PRKCA: variants seen among roughly 807,000 people sequenced by gnomAD.
The protein encoded by PRKCA is protein kinase C alpha.
In PRKCA, 27 loss-of-function variants were observed where a neutral mutation model predicts 87.0. The observed-to-expected ratio is 0.31, with a 90% CI of 0.23 to 0.43. PRKCA has a LOEUF of 0.43. Ranked by LOEUF, PRKCA falls within the 20% of genes least tolerant of loss-of-function variation. The pLI, the probability that PRKCA is intolerant of heterozygous loss-of-function variation, is 1.00. For missense variants in PRKCA, 518 were observed against 852.3 expected (o/e 0.61, Z 4.88); for synonymous variants, 329 against 311.1 (o/e 1.06, Z -0.61).
At chr17:66,605,954 A>G (rs967117463) in intron 3 of PRKCA, among the ~76,000 whole-genome samples, 3 of 152,208 alleles carry the variant, frequency 2.0e-5, no homozygotes, top group Admixed American at 2.0e-4. Context: ...ATTGAGGAGG[A>G]ACTGCTAATG....
chr17:66,424,207 G>T (rs7502206), intron 2 of PRKCA, among the ~76,000 whole-genome samples: 129,024 of 152,090 alleles, frequency 0.85, 55,492 homozygotes, highest in South Asian at 0.96. Flanking sequence ...TGGATATTAC[G>T]CATGATGATG....
intron 10 of PRKCA, among the ~76,000 whole-genome samples, chr17:66,735,927 T>C (rs1159693068): frequency 1.3e-5 from 2 of 148,398 alleles, no homozygotes; most frequent in African/African-American, 4.9e-5. Context: ...TTTCTTTTTT[T>C]TTTTTTTTTT....
chr17:66,396,098 G>T (rs182066702), intron 2 of PRKCA, among the ~76,000 whole-genome samples: 34 of 151,034 alleles, frequency 2.3e-4, no homozygotes, highest in African/African-American at 7.8e-4. Context: ...TAAGTTTAAA[G>T]CTAAGGATAT....
intron 3 of PRKCA, among the ~76,000 whole-genome samples, chr17:66,558,350 G>A (rs942852226): frequency 5.3e-5 from 8 of 152,206 alleles, no homozygotes; most frequent in African/African-American, 1.9e-4. Flanking sequence ...TGCTATGTAG[G>A]CGAAAAACAA....
chr17:66,596,009 G>C (rs1230929654), intron 3 of PRKCA, among the ~76,000 whole-genome samples: 1 of 152,190 alleles, frequency 6.6e-6, no homozygotes, highest in Non-Finnish European at 1.5e-5. Flanking sequence ...CATCCTGTAG[G>C]GATGGGTGGT....
At chr17:66,347,941 CTTTTT>C (rs57292153) in intron 2 of PRKCA, among the ~76,000 whole-genome samples, 1,196 of 56,496 alleles carry the variant, frequency 0.021, 61 homozygotes, top group African/African-American at 0.06. Flanking sequence ...AATTCTGAAC[CTTTTT>C]TTTTTTTTTT....
chr17:66,350,053 G>A (rs1907645585), intron 2 of PRKCA, among the ~76,000 whole-genome samples: 1 of 152,128 alleles, frequency 6.6e-6, no homozygotes, highest in Admixed American at 6.5e-5. Flanking sequence ...AAAAGATATT[G>A]TAACTAAAGC....
chr17:66,549,812 T>C (rs567039209), intron 3 of PRKCA, among the ~76,000 whole-genome samples: 1 of 152,312 alleles, frequency 6.6e-6, no homozygotes, highest in South Asian at 2.1e-4. Flanking sequence ...TTTGCCCCTT[T>C]TTAGTGGTCA....
chr17:66,698,875 G>A (rs1483807762), intron 8 of PRKCA, among the ~76,000 whole-genome samples: 2 of 151,556 alleles, frequency 1.3e-5, no homozygotes, highest in Non-Finnish European at 2.9e-5. Flanking sequence ...CAGTACTCGG[G>A]AGGCTGAGGC....
At position 66,803,858 on chromosome 17, in the gene PRKCA, G is replaced by A. The variant is rs766255229; in HGVS notation, c.1855-15G>A. ...TGTTGACTGACCTTTCCTTCTTTTT[G>A]TCTTTTCTCCACAGTGTGGCAAAGG... On this transcript the variant is annotated splice_polypyrimidine_tract_variant and intron_variant, in intron 16 of 16. Transcript: ENST00000413366. This position sits in a 1 kb window ranked among gnomAD's most constrained non-coding sequence, Gnocchi z 4.4. 10 of 1,610,310 alleles carry A rather than the reference G, an allele frequency of 6.2e-6. No individual in the cohort carries two copies. The highest frequency in any genetic ancestry group is 8.5e-6 in the Non-Finnish European group (10 of 1,177,722).
intron 2 of PRKCA, among the ~76,000 whole-genome samples, chr17:66,451,591 G>A (rs1914325684): frequency 6.6e-6 from 1 of 152,080 alleles, no homozygotes; most frequent in Admixed American, 6.5e-5. Context: ...GGGTTGACCG[G>A]GTATTTTGGA....
At chr17:66,389,072 A>G (rs1910219712) in intron 2 of PRKCA, among the ~76,000 whole-genome samples, 1 of 152,200 alleles carries the variant, frequency 6.6e-6, no homozygotes, top group African/African-American at 2.4e-5. Context: ...AAGAAACAGC[A>G]TCATGTATAT....
At chr17:66,401,730 AAG>A (rs1491230676) in intron 2 of PRKCA, among the ~76,000 whole-genome samples, 27 of 152,212 alleles carry the variant, frequency 1.8e-4, no homozygotes, top group African/African-American at 6.5e-4. Context: ...TATGCCGGTT[AAG>A]TGTATGAGTG....
intron 13 of PRKCA, among the ~76,000 whole-genome samples, chr17:66,769,850 T>G (rs924333000): frequency 2.6e-5 from 4 of 152,240 alleles, no homozygotes; most frequent in African/African-American, 9.6e-5. Flanking sequence ...AAAATGATAT[T>G]TTCCATTTTG....
chr17:66,762,843 G>C (rs1305809395), intron 13 of PRKCA, among the ~76,000 whole-genome samples: 1 of 152,110 alleles, frequency 6.6e-6, no homozygotes, highest in African/African-American at 2.4e-5. Context: ...TACCCAGGCC[G>C]GAGTGCAGTG....
chr17:66,674,870 T>C (rs1160858564), intron 5 of PRKCA, among the ~76,000 whole-genome samples: 3 of 152,210 alleles, frequency 2.0e-5, no homozygotes, highest in African/African-American at 7.2e-5. Flanking sequence ...GACTCTTCAT[T>C]GTTCATGCTT....
chr17:66,616,730 G>C (rs1190206844), intron 3 of PRKCA, among the ~76,000 whole-genome samples: 1 of 152,194 alleles, frequency 6.6e-6, no homozygotes. Context: ...CTATTAATTA[G>C]CTTCCACTGT....
At chr17:66,530,999 G>C (rs768319417) in intron 3 of PRKCA, among the ~76,000 whole-genome samples, 3 of 152,088 alleles carry the variant, frequency 2.0e-5, no homozygotes, top group African/African-American at 7.2e-5. Flanking sequence ...GGGACACAAG[G>C]GCCCACGTTG....
intron 3 of PRKCA, among the ~76,000 whole-genome samples, chr17:66,627,559 G>A (rs541330692): frequency 4.2e-4 from 64 of 152,330 alleles, no homozygotes; most frequent in Non-Finnish European, 8.1e-4. Flanking sequence ...GGAAGGGCAG[G>A]TGCTAACAGA....
Sources: gnomAD v4.1 joint callset for allele counts (sites outside exome capture counted in the v4.1 genomes callset) on GRCh38, gnomAD v4.1.1 for gene constraint, Gnocchi (gnomAD v3.1) non-coding constraint, MANE v1.5 for transcripts, NCBI Gene and HGNC (gene_info 2026-07-23, HGNC 2026-07-21) for gene names.